The following MAPRE2 variants were observed in gnomAD, a reference collection of about 807,000 sequenced individuals.
MAPRE2 encodes microtubule-associated protein RP/EB family member 2.
MAPRE2 carries 13 observed loss-of-function variants against 43.2 expected under a neutral mutation model. The ratio of observed to expected loss-of-function variants is 0.30; its 90% confidence interval spans 0.20 to 0.48. The LOEUF (loss-of-function observed/expected upper bound fraction) is 0.48. Ranked by LOEUF, MAPRE2 falls within the 20% of genes least tolerant of loss-of-function variation. The pLI, the probability that MAPRE2 is intolerant of heterozygous loss-of-function variation, is 0.99. For synonymous variants in MAPRE2, 135 were observed against 148.8 expected (o/e 0.91, Z 0.68); for missense variants, 161 against 400.2 (o/e 0.40, Z 5.10).
chr18:35,121,570 T>C (rs551851722), intron 4 of MAPRE2, among the ~76,000 whole-genome samples: 1 of 152,200 alleles, frequency 6.6e-6, no homozygotes, highest in African/African-American at 2.4e-5. Flanking sequence ...CTACTAATTA[T>C]GTTCTCAGGA....
At chr18:35,019,302 G>C (rs189881433) in intron 2 of MAPRE2, among the ~76,000 whole-genome samples, 27 of 152,112 alleles carry the variant, frequency 1.8e-4, no homozygotes, top group Admixed American at 1.8e-3. Context: ...TGTATATTCT[G>C]TGGTTGATGA....
chr18:35,087,788 C>A (rs1907945731), intron 2 of MAPRE2, among the ~76,000 whole-genome samples: 1 of 152,174 alleles, frequency 6.6e-6, no homozygotes, highest in Non-Finnish European at 1.5e-5. Flanking sequence ...CTCTCTTAGT[C>A]TGTTTTATGC....
intron 1 of MAPRE2, among the ~76,000 whole-genome samples, chr18:34,989,910 C>T (rs1433174934): frequency 6.6e-6 from 1 of 152,132 alleles, no homozygotes; most frequent in Non-Finnish European, 1.5e-5. Flanking sequence ...CTTTCCTAAC[C>T]TCCTAACCAT....
At position 35,004,210 on chromosome 18, in the gene MAPRE2, A is replaced by T. The variant is rs9953846; in HGVS notation, c.-69-1282A>T. The stretch of plus-strand genomic sequence containing the variant: ...CCACCTCCTCCCTTTTAATTAAAAA[A>T]AATAATAATTCTACCAGCAACATCT... On this transcript the variant is annotated intron_variant, in intron 1 of 7. Coordinates refer to the MAPRE2 transcript ENST00000413393. Among the ~76,000 whole-genome samples the T allele has an allele frequency of 6.4e-3, 979 of 152,326 alleles. 9 individuals carry two copies. The highest frequency in any genetic ancestry group is 0.022 in the African/African-American group (902 of 41,556).
chr18:35,116,964 C>G (rs898402601), intron 4 of MAPRE2, among the ~76,000 whole-genome samples: 1 of 152,110 alleles, frequency 6.6e-6, no homozygotes, highest in Non-Finnish European at 1.5e-5. Context: ...CAGAAGCATG[C>G]TTTGTATTAT....
In MAPRE2 at chr18:34,994,548, G is replaced by A. The variant is rs534953145; in HGVS notation, c.-69-10944G>A. Among the ~76,000 whole-genome samples, 10 of 152,160 alleles carry A rather than the reference G, an allele frequency of 6.6e-5. No individual in the cohort carries two copies. In the South Asian group the frequency reaches 1.9e-3, roughly 28 times the overall value. On this transcript the variant is annotated intron_variant, in intron 1 of 7. Coordinates refer to the MAPRE2 transcript ENST00000413393. ...AAGGTCCTGTTCCAAGGATTTCTTG[G>A]GGCCCTTTTCATCGAGGCCGCATCC...
intron 2 of MAPRE2, among the ~76,000 whole-genome samples, chr18:35,023,271 G>T (rs1453446723): frequency 5.9e-5 from 9 of 152,142 alleles, no homozygotes; most frequent in Non-Finnish European, 1.2e-4. Context: ...CCAGCACTTT[G>T]GGAGGCCGAG....
At chr18:35,044,715 C>G (rs184916451) in intron 1 of MAPRE2, among the ~76,000 whole-genome samples, 2 of 152,324 alleles carry the variant, frequency 1.3e-5, no homozygotes, top group East Asian at 3.9e-4. Flanking sequence ...GAACATGTCT[C>G]ACCTTGCTGG....
At chr18:34,991,871 T>C (rs1003287159) in intron 1 of MAPRE2, among the ~76,000 whole-genome samples, 4 of 152,178 alleles carry the variant, frequency 2.6e-5, no homozygotes, top group Non-Finnish European at 5.9e-5. Context: ...AAGTCATATT[T>C]TGAGTCATAT....
chr18:35,009,719 C>T (rs1316213480), intron 2 of MAPRE2, among the ~76,000 whole-genome samples: 1 of 152,216 alleles, frequency 6.6e-6, no homozygotes, highest in Non-Finnish European at 1.5e-5. Context: ...CAACTTGGCC[C>T]TCACCAGATG....
At chr18:35,051,549 T>A (rs1336715398) in intron 1 of MAPRE2, among the ~76,000 whole-genome samples, 1 of 152,168 alleles carries the variant, frequency 6.6e-6, no homozygotes, top group Non-Finnish European at 1.5e-5. Context: ...CAGTTCAAAA[T>A]TTGGTCTGTA....
intron 1 of MAPRE2, among the ~76,000 whole-genome samples, chr18:35,000,202 A>G (rs1363830393): frequency 6.6e-6 from 1 of 152,080 alleles, no homozygotes; most frequent in East Asian, 1.9e-4. Context: ...CCTAGATGAA[A>G]ACTTGGGCTC....
chr18:35,074,265 G>A (rs891548334), intron 2 of MAPRE2, among the ~76,000 whole-genome samples: 4 of 152,166 alleles, frequency 2.6e-5, no homozygotes, highest in Non-Finnish European at 2.9e-5. Context: ...AAGTTATACA[G>A]CTTGGGCAGG....
chr18:35,034,125 A>G (rs1673359214), intron 2 of MAPRE2, among the ~76,000 whole-genome samples: 1 of 152,188 alleles, frequency 6.6e-6, no homozygotes, highest in African/African-American at 2.4e-5. Context: ...CTACAAGGCT[A>G]CAGTAACCAA....
Position 35,070,349 on chromosome 18 carries a change from C to A in MAPRE2, c.250+27C>A, listed in dbSNP as rs1907045058. The A allele has an allele frequency of 1.9e-6, 3 of 1,558,434 alleles. No homozygotes were observed. In the East Asian group the frequency reaches 6.9e-5, roughly 36 times the overall value. On this transcript the variant is annotated intron_variant, in intron 2 of 6. Coordinates refer to ENST00000300249, the MANE Select transcript of MAPRE2 (RefSeq NM_014268.4). ...TAAGACATATTCTTTTAAGTGTTTA[C>A]CTAAATATTTACAGTCTGTCATGTG...
intron 1 of MAPRE2, among the ~76,000 whole-genome samples, chr18:34,999,090 G>A (rs1323644778): frequency 6.6e-6 from 1 of 152,070 alleles, no homozygotes; most frequent in Non-Finnish European, 1.5e-5. Context: ...CCTGGGCTCT[G>A]AAATGAAACC....
intron 4 of MAPRE2, among the ~76,000 whole-genome samples, chr18:35,104,292 G>T (rs1040455810): frequency 6.6e-6 from 1 of 152,142 alleles, no homozygotes; most frequent in Non-Finnish European, 1.5e-5. Flanking sequence ...TTTAACAAGG[G>T]CTTGTGGAAG....
intron 4 of MAPRE2, among the ~76,000 whole-genome samples, chr18:35,107,997 T>C (rs1384409956): frequency 1.3e-5 from 2 of 152,012 alleles, no homozygotes; most frequent in African/African-American, 4.8e-5. Context: ...TGAATTGACC[T>C]TTTTTGTCTT....
At chr18:35,096,457 G>C (rs1908419690) in intron 2 of MAPRE2, among the ~76,000 whole-genome samples, 1 of 152,170 alleles carries the variant, frequency 6.6e-6, no homozygotes, top group Non-Finnish European at 1.5e-5. Context: ...CAGCTTGCCA[G>C]AATTTCCCAG....
Sources: gnomAD v4.1 joint callset for allele counts (sites outside exome capture counted in the v4.1 genomes callset) on GRCh38, gnomAD v4.1.1 for gene constraint, MANE v1.5 for transcripts, NCBI Gene and HGNC (gene_info 2026-07-23, HGNC 2026-07-21) for gene names.